Variants in ADAM17 observed in about 807,000 individuals in gnomAD.
The protein encoded by ADAM17 is disintegrin and metalloproteinase domain-containing protein 17.
ADAM17 carries 39 observed loss-of-function variants against 96.7 expected under a neutral mutation model. The observed-to-expected ratio is 0.40, with a 90% CI of 0.31 to 0.53. The LOEUF (loss-of-function observed/expected upper bound fraction) is 0.53, where lower values mean the gene tolerates loss of function less well. Among genes scored for constraint, ADAM17 ranks in the 20% least tolerant of loss-of-function variants. The pLI, the probability that ADAM17 is intolerant of heterozygous loss-of-function variation, is 0.44. For missense variants in ADAM17, 777 were observed against 1,013.2 expected (o/e 0.77, Z 3.17); for synonymous variants, 344 against 359.2 (o/e 0.96, Z 0.48).
At chr2:9,494,808 G>C (rs1572881221) in intron 14 of ADAM17, 41 bp from the exon 15 acceptor site, 1 of 1,607,248 alleles carries the variant, frequency 6.2e-7, no homozygotes, top group East Asian at 2.2e-5. Context: ...ATTGTTCTGA[G>C]ACCTGCCTCT....
intron 15 of ADAM17, 66 bp downstream of exon 15, chr2:9,494,571 C>T (rs948821580): frequency 6.3e-7 from 1 of 1,578,196 alleles, no homozygotes; most frequent in South Asian, 1.1e-5. Context: ...TCTGCAAAAT[C>T]AAGTACTTAC....
intron 13 of ADAM17, among the ~76,000 whole-genome samples, chr2:9,501,516 T>C (rs573115406): frequency 3.3e-5 from 5 of 152,286 alleles, no homozygotes; most frequent in African/African-American, 1.2e-4. Flanking sequence ...ATGAAGGCAA[T>C]GGAAGTAGCT....
In ADAM17 at chr2:9,551,012, T is replaced by C. The variant is rs370645831; in HGVS notation, c.97+4497A>G. On this transcript the variant is annotated intron_variant, in intron 1 of 18. Transcript: ENST00000310823. The stretch of plus-strand genomic sequence containing the variant: ...ATCACTTGAACCTGGGAAGTGGAGG[T>C]TGCAGTAAGCCAAGATTGCGCCACT... Among the ~76,000 whole-genome samples, 25 of 150,702 alleles carry C rather than the reference T, an allele frequency of 1.7e-4. 1 individual carries two copies. In the South Asian group the frequency reaches 4.4e-3, roughly 27 times the overall value.
chr2:9,525,005 G>T (rs577760865), intron 6 of ADAM17, among the ~76,000 whole-genome samples: 17 of 152,074 alleles, frequency 1.1e-4, no homozygotes, highest in Admixed American at 8.5e-4. Context: ...TATTTATAGT[G>T]CAATGAACAA....
chr2:9,546,771 G>A lies in ADAM17; in HGVS notation c.98-3486C>T, dbSNP rs1363702091. Among the ~76,000 whole-genome samples, 8 of 145,268 alleles carry A rather than the reference G, an allele frequency of 5.5e-5. 1 individual carries two copies. The South Asian group carries it at 6.4e-4, about 12-fold the overall frequency. On this transcript the variant is annotated intron_variant, in intron 1 of 18. Transcript: ENST00000310823. ...TGTCGCCAGGCTGGAATGCAGTGGC[G>A]TGATCTCAGCTCACTGCAACCTCCG...
At chr2:9,540,067 A>G (rs955945065) in intron 2 of ADAM17, among the ~76,000 whole-genome samples, 1 of 152,218 alleles carries the variant, frequency 6.6e-6, no homozygotes, top group African/African-American at 2.4e-5. Flanking sequence ...TTTCTTAGGG[A>G]ATCAATGTCA....
chr2:9,522,786 C>T (rs536984117), intron 7 of ADAM17, among the ~76,000 whole-genome samples: 64 of 152,230 alleles, frequency 4.2e-4, no homozygotes, highest in African/African-American at 1.5e-3. Context: ...ACTAGACACA[C>T]TCTGTTAACA....
chr2:9,515,745 AAAAAAAG>A (rs1558510752), intron 10 of ADAM17, among the ~76,000 whole-genome samples: 2 of 147,576 alleles, frequency 1.4e-5, no homozygotes, highest in African/African-American at 5.2e-5. Context: ...CAAAAAAAAA[AAAAAAAG>A]AAAAAAGAAA....
rs748480175 is a variant in ADAM17 at position 9,543,171 on chromosome 2, G to T, written c.212C>A (p.Thr71Asn). ...AAATTACCTTTTCAAAGCTGAAAAA[G>T]TTAGTAGTGTTTCTACATGTGTTGA... ...QTSTHVETLL[T>N]FSALKRHFKL... is the part of the protein sequence containing the mutation. Residue 71 changes from threonine (T) to asparagine (N), a missense_variant, in exon 2 of 19, where the codon ACT becomes AAT. Coordinates refer to ENST00000310823, the MANE Select transcript of ADAM17 (RefSeq NM_003183.6). 6.3e-7 allele frequency: 1 copy of T among 1,591,818 alleles called. No individual in the cohort carries two copies. Among genetic ancestry groups the T allele is most frequent in the Non-Finnish European group, 8.5e-7 (1 of 1,171,410 alleles).
At chr2:9,519,601 C>T (rs1664227169) in intron 8 of ADAM17, among the ~76,000 whole-genome samples, 1 of 152,146 alleles carries the variant, frequency 6.6e-6, no homozygotes, top group African/African-American at 2.4e-5. Flanking sequence ...AACAGTACCC[C>T]AGAATGTGAC....
chr2:9,505,685 CAG>C lies in ADAM17; in HGVS notation c.1345-322_1345-321del, dbSNP rs1474153638. ...CTTAAGGACAAGCAGAATAGCACAACAGAGAGCTCGTAGCTCCATCAGACTTG... is the reference window on the plus strand; with the variant it reads ...CTTAAGGACAAGCAGAATAGCACAACAGAGCTCGTAGCTCCATCAGACTTG... On this transcript the variant is annotated intron_variant, in intron 11 of 18. Coordinates refer to ENST00000310823, the MANE Select transcript of ADAM17 (RefSeq NM_003183.6). 3 of 321,610 alleles carry C rather than the reference CAG, an allele frequency of 9.3e-6. 1 individual carries two copies. The highest frequency in any genetic ancestry group is 6.5e-5 in the South Asian group (2 of 30,934). 19.9% of individuals were successfully genotyped at this position (321,610 alleles called of 1,614,324 possible).
At position 9,555,539 on chromosome 2, in the gene ADAM17, C is replaced by T; in HGVS notation, c.67G>A (p.Asp23Asn). Residue 23 changes from aspartate to asparagine, a missense_variant, in exon 1 of 19, where the codon GAC becomes AAC. Physicochemically the swap from Asp to Asn is conservative, Grantham distance 23. Around this residue, in one of 3 missense-constraint regions of ADAM17, gnomAD observed 134 missense variants for 129.1 expected, o/e 1.04. Transcript: ENST00000310823. Reference sequence around the variant, plus strand: ...CTCTGGTGGGGGCCGAAGCCCGGGTCATCCGGAGGTCGCGGCGCCAGCACG... The same window carrying T: ...CTCTGGTGGGGGCCGAAGCCCGGGTTATCCGGAGGTCGCGGCGCCAGCACG... ...PFVLAPRPPD[D>N]PGFGPHQRLE... 6.2e-7 allele frequency: 1 copy of T among 1,603,422 alleles called. No homozygotes were observed. The highest frequency in any genetic ancestry group is 8.5e-7 in the Non-Finnish European group (1 of 1,174,934).
At chr2:9,537,699 G>A (rs1194216147) in intron 2 of ADAM17, among the ~76,000 whole-genome samples, 1 of 151,510 alleles carries the variant, frequency 6.6e-6, no homozygotes, top group Non-Finnish European at 1.5e-5. Flanking sequence ...CAGCCTGGTT[G>A]ACAGCGCGAG....
intron 1 of ADAM17, among the ~76,000 whole-genome samples, chr2:9,552,181 C>T (rs1019051271): frequency 4.6e-5 from 7 of 152,202 alleles, no homozygotes; most frequent in Non-Finnish European, 7.3e-5. Flanking sequence ...ACACTTCCAG[C>T]TGTATACACT....
At chr2:9,533,954 A>G (rs1019262198) in intron 4 of ADAM17, among the ~76,000 whole-genome samples, 6 of 152,192 alleles carry the variant, frequency 3.9e-5, no homozygotes, top group Non-Finnish European at 8.8e-5. Flanking sequence ...AGCTTCCTAC[A>G]GTTTCTTCAT....
intron 4 of ADAM17, among the ~76,000 whole-genome samples, chr2:9,530,004 T>C (rs986116793): frequency 4.0e-5 from 6 of 151,628 alleles, no homozygotes; most frequent in African/African-American, 1.2e-4. Flanking sequence ...AACTACAAAA[T>C]TGTATACATT....
intron 10 of ADAM17, among the ~76,000 whole-genome samples, chr2:9,510,733 G>A (rs1663690421): frequency 6.6e-6 from 1 of 151,794 alleles, no homozygotes; most frequent in Non-Finnish European, 1.5e-5. Flanking sequence ...TTGGGAGGCT[G>A]AGGTGAGAGT....
At chr2:9,546,795 C>T (rs540297015) in intron 1 of ADAM17, among the ~76,000 whole-genome samples, 3 of 149,120 alleles carry the variant, frequency 2.0e-5, no homozygotes, top group Admixed American at 2.0e-4. Context: ...CTGCAACCTC[C>T]GCCTCCTGGG....
intron 11 of ADAM17, among the ~76,000 whole-genome samples, chr2:9,509,263 T>A (rs1663594012): frequency 6.6e-6 from 1 of 152,260 alleles, no homozygotes; most frequent in Non-Finnish European, 1.5e-5. Context: ...CACTGCTTTA[T>A]GCTGTTTAAC....
Sources: allele counts gnomAD v4.1 joint callset (sites outside exome capture counted in the v4.1 genomes callset), GRCh38; gene constraint gnomAD v4.1.1; regional missense constraint gnomAD v4.1.1; transcripts MANE v1.5; gene names NCBI Gene and HGNC (gene_info 2026-07-23, HGNC 2026-07-21).